Variants in NUTM2D observed in about 807,000 individuals in gnomAD.
The protein encoded by NUTM2D is NUT family member 2D.
Under a neutral mutation model 43.5 loss-of-function variants are expected in NUTM2D, and 2 were observed. The ratio of observed to expected loss-of-function variants is 0.05; its 90% CI spans 0.02 to 0.14. The LOEUF is 0.14. Ranked by LOEUF, NUTM2D falls within the 10% of genes least tolerant of loss-of-function variation. The pLI, the probability that NUTM2D is intolerant of heterozygous loss-of-function variation, is 1.00. For synonymous variants in NUTM2D, 24 were observed against 276.6 expected (o/e 0.09, Z 9.06); for missense variants, 48 against 668.7 (o/e 0.07, Z 10.24).
At chr10:87,367,415 C>A (rs373573292), downstream of NUTM2D, 266 of 1,588,392 alleles carry the variant, frequency 1.7e-4, 1 homozygote, top group Non-Finnish European at 1.7e-4. Flanking sequence ...AAGGCCCTGC[C>A]TGCTTTAGGG....
chr10:87,366,634 GC>G lies in NUTM2D; in HGVS notation c.2133del (p.Ser712ArgfsTer27), dbSNP rs1850303349. On this transcript the variant is annotated frameshift_variant, in exon 7 of 7. Coordinates refer to ENST00000381697, the MANE Select transcript of NUTM2D (RefSeq NM_001382304.1). LOFTEE classifies it high-confidence loss of function. ...GTGGCTACCCCAGAGCCCTGTCCCT[GC>G]CTCGGGCCTTCTCAGCCCAGAAAAG... ...PWWLPQSPVP[A>X]SGLLSPEKWG... is the part of the protein sequence containing the mutation. 9.3e-7 allele frequency: 1 copy of G among 1,079,338 alleles called. No individual in the cohort carries two copies. Among genetic ancestry groups the G allele is most frequent in the Non-Finnish European group, 1.4e-6 (1 of 729,852 alleles). 66.9% of individuals were successfully genotyped at this position (1,079,338 alleles called of 1,614,324 possible).
chr10:87,369,281 C>G (rs1440372639), downstream of NUTM2D: 6 of 151,296 alleles, frequency 4.0e-5, no homozygotes, highest in Admixed American at 3.3e-4. Flanking sequence ...TGGTAAGAAG[C>G]AGAGACCCCA....
At chr10:87,368,785 CT>C (rs1850327532), downstream of NUTM2D, 1 of 58,450 alleles carries the variant, frequency 1.7e-5, no homozygotes, top group African/African-American at 6.6e-5. Context: ...ATGTGGGCAG[CT>C]CCCGTGACTC....
downstream of NUTM2D, chr10:87,367,998 C>T (rs1052625048): frequency 1.7e-5 from 2 of 118,928 alleles, no homozygotes; most frequent in African/African-American, 6.2e-5. Flanking sequence ...CAAGAGGGGC[C>T]GAGGGTCAGC....
In NUTM2D at chr10:87,365,283, T is replaced by C. The variant is rs1202744067; in HGVS notation, c.1518+80T>C. On this transcript the variant is annotated intron_variant, in intron 5 of 6. Coordinates refer to ENST00000381697, the MANE Select transcript of NUTM2D (RefSeq NM_001382304.1). ...GGTCCTTGGAATTAAGCTCTGTTCC[T>C]TAGCTACTCAGCAGTGTGTGTATTT... The C allele has an allele frequency of 4.5e-6, 7 of 1,560,862 alleles. No homozygotes were observed. The Admixed American group carries it at 1.3e-4, about 29-fold the overall frequency.
chr10:87,358,820 AG>A (rs1475425349), intron 1 of NUTM2D, among the ~76,000 whole-genome samples: 1 of 15,674 alleles, frequency 6.4e-5, no homozygotes, highest in African/African-American at 3.3e-4. Flanking sequence ...GGCACCTGGA[AG>A]GTGCCCTTCC....
intron 5 of NUTM2D, 87 bp downstream of exon 5, chr10:87,365,290 C>T (rs1036029385): frequency 1.9e-6 from 3 of 1,565,958 alleles, no homozygotes; most frequent in Admixed American, 1.8e-5. Flanking sequence ...TCCTTAGCTA[C>T]TCAGCAGTGT....
chr10:87,369,362 C>T (rs1486658085), downstream of NUTM2D: 3 of 151,974 alleles, frequency 2.0e-5, no homozygotes, highest in African/African-American at 7.3e-5. Context: ...AGAGAGCCCT[C>T]ACCAGAACCT....
downstream of NUTM2D, chr10:87,370,195 C>T (rs1192110679): frequency 1.3e-5 from 2 of 152,164 alleles, no homozygotes; most frequent in African/African-American, 2.4e-5. Flanking sequence ...AAAATTTATC[C>T]ATTTATCAGT....
chr10:87,369,847 C>T (rs545939123), downstream of NUTM2D: 40 of 151,954 alleles, frequency 2.6e-4, no homozygotes, highest in African/African-American at 9.0e-4. Context: ...TCCAGAGACC[C>T]CTCCCTTCAC....
downstream of NUTM2D, chr10:87,370,497 A>G (rs1283319185): frequency 6.6e-6 from 1 of 152,080 alleles, no homozygotes; most frequent in African/African-American, 2.4e-5. Flanking sequence ...AAGTCATCCT[A>G]GTGGTTCTGA....
chr10:87,367,446 A>G (rs1323046937), downstream of NUTM2D: 4 of 1,504,172 alleles, frequency 2.7e-6, no homozygotes, highest in South Asian at 2.3e-5. Context: ...GGGCCCCCTC[A>G]TCGTTATCAG....
intron 1 of NUTM2D, among the ~76,000 whole-genome samples, chr10:87,359,602 C>T (rs1850245081): frequency 9.3e-6 from 1 of 108,046 alleles, no homozygotes; most frequent in Non-Finnish European, 1.9e-5. Context: ...CTCCTTGTCC[C>T]ACTACCTATT....
Position 87,360,573 on chromosome 10 carries a change from C to A in NUTM2D, c.259C>A (p.Pro87Thr). 1 of 503,824 alleles carries A rather than the reference C, an allele frequency of 2.0e-6. No homozygotes were observed. The highest frequency in any genetic ancestry group is 2.6e-6 in the Non-Finnish European group (1 of 381,462). The allele number at this position is 503,824 out of a possible 1,614,324, so 31.2% of individuals were successfully genotyped here. The change falls in exon 2 of 7, where the codon CCA (proline) becomes ACA (threonine). Residue 87 changes from proline (P) to threonine (T), a missense_variant. Pro to Thr is a conservative substitution (Grantham distance 38). Transcript: ENST00000381697. The stretch of plus-strand genomic sequence containing the variant: ...GCCCTTCACCACACCCGCTCCCGGC[C>A]CAGCACACGGGCCGCTCCTTGTGAC... Reference protein sequence around the residue: ...ALPFTTPAPGPAHGPLLVTAG... With the variant: ...ALPFTTPAPGTAHGPLLVTAG...
chr10:87,365,534 T>C (rs1455102212), intron 5 of NUTM2D, among the ~76,000 whole-genome samples, 155 bp from the exon 6 acceptor site: 1 of 129,346 alleles, frequency 7.7e-6, no homozygotes, highest in Non-Finnish European at 1.6e-5. Flanking sequence ...ACCAGGTCTG[T>C]GGTCTGTGTC....
intron 4 of NUTM2D, 41 bp from the exon 5 acceptor site, chr10:87,364,780 G>A: frequency 2.7e-6 from 1 of 376,262 alleles, no homozygotes; most frequent in Non-Finnish European, 4.2e-6. Context: ...AGCAGGAGGA[G>A]CGGCCCTCAC....
downstream of NUTM2D, chr10:87,367,364 A>G: frequency 6.2e-7 from 1 of 1,606,346 alleles, no homozygotes; most frequent in Non-Finnish European, 8.5e-7. Context: ...AGGGACTGAC[A>G]GATGCTGAGG....
At position 87,361,649 on chromosome 10, in the gene NUTM2D, G is replaced by T. The variant is rs1357383393; in HGVS notation, c.866+469G>T. Among the ~76,000 whole-genome samples, 2 of 53,114 alleles carry T rather than the reference G, an allele frequency of 3.8e-5. 1 individual carries two copies. Among genetic ancestry groups the T allele is most frequent in the Non-Finnish European group, 8.3e-5 (2 of 23,996 alleles). 34.8% of individuals were successfully genotyped at this position (53,114 alleles called of 152,430 possible). The stretch of plus-strand genomic sequence containing the variant: ...GCTGAGGTCCAGTTAGCACAGCGGT[G>T]GTGGAGCCTGCACAGGGGGATGGTC... On this transcript the variant is annotated intron_variant, in intron 2 of 6. Transcript: ENST00000381697.
downstream of NUTM2D, chr10:87,369,496 G>A (rs1397946193): frequency 6.6e-6 from 1 of 151,318 alleles, no homozygotes; most frequent in African/African-American, 2.4e-5. Context: ...TATGTGACTA[G>A]GACAAAGTCC....
Sources: gnomAD v4.1 joint callset for allele counts (sites outside exome capture counted in the v4.1 genomes callset) on GRCh38, gnomAD v4.1.1 for gene constraint, MANE v1.5 for transcripts, NCBI Gene and HGNC (gene_info 2026-07-23, HGNC 2026-07-21) for gene names.